Variants in USP6NL observed in about 807,000 individuals in gnomAD.
The protein encoded by USP6NL is USP6 N-terminal like.
In USP6NL, 26 loss-of-function variants were observed where a neutral mutation model predicts 61.9. The ratio of observed to expected loss-of-function variants is 0.42; its 90% CI spans 0.31 to 0.58. The LOEUF (loss-of-function observed/expected upper bound fraction) is 0.58. USP6NL is among the 20% of genes least tolerant of loss of function. The pLI is 0.16. For missense variants in USP6NL, 1,114 were observed against 1,034.3 expected (o/e 1.08, Z -1.06); for synonymous variants, 432 against 390.1 (o/e 1.11, Z -1.27).
chr10:11,599,316 T>A (rs1190523943), intron 1 of USP6NL, among the ~76,000 whole-genome samples: 1 of 152,198 alleles, frequency 6.6e-6, no homozygotes, highest in African/African-American at 2.4e-5. Context: ...CAGGGACTTT[T>A]CTCTTTATGT....
At chr10:11,502,291 C>T (rs1297560697) in intron 6 of USP6NL, among the ~76,000 whole-genome samples, 2 of 151,348 alleles carry the variant, frequency 1.3e-5, no homozygotes, top group East Asian at 1.9e-4. Context: ...TTTGTGTCAT[C>T]AACTCCCTCC....
intron 7 of USP6NL, among the ~76,000 whole-genome samples, chr10:11,498,096 G>T (rs1444101755): frequency 6.6e-6 from 1 of 151,402 alleles, no homozygotes; most frequent in Non-Finnish European, 1.5e-5. Flanking sequence ...ACTTAGCCGG[G>T]CATGGTGGCG....
chr10:11,560,222 T>C (rs1388233092), intron 2 of USP6NL, among the ~76,000 whole-genome samples: 1 of 152,164 alleles, frequency 6.6e-6, no homozygotes, highest in Non-Finnish European at 1.5e-5. Context: ...ATAAACTATC[T>C]CCACTTAATG....
rs1405858347 is a variant in USP6NL at position 11,491,630 on chromosome 10, C to T, written c.495-750G>A. ...GGATTATCCTGATTACTAAGGGGAA[C>T]ATGGGTTGCTATGACACAACAGACA... On this transcript the variant is annotated intron_variant, in intron 8 of 14. Transcript: ENST00000609104. This position sits in a 1 kb window ranked among gnomAD's most constrained non-coding sequence, Gnocchi z 4.7. Among the ~76,000 whole-genome samples the T allele has an allele frequency of 6.6e-6, 1 of 152,170 alleles. No homozygotes were observed. Among genetic ancestry groups the T allele is most frequent in the Admixed American group, 6.5e-5 (1 of 15,280 alleles).
intron 2 of USP6NL, among the ~76,000 whole-genome samples, chr10:11,541,091 C>T (rs4237415): frequency 6.6e-6 from 1 of 151,312 alleles, no homozygotes; most frequent in Non-Finnish European, 1.5e-5. Flanking sequence ...TCCTGAACTG[C>T]GTTATATGTA....
Position 11,566,312 on chromosome 10 carries a change from T to C in USP6NL, c.4+31319A>G, listed in dbSNP as rs144855296. 3.3e-4 allele frequency among the ~76,000 whole-genome samples: 50 copies of C among 152,316 alleles called. No individual in the cohort carries two copies. In the East Asian group the frequency reaches 7.7e-3, roughly 23 times the overall value. On this transcript the variant is annotated intron_variant, in intron 2 of 14. Transcript: ENST00000609104. Reference sequence around the variant, plus strand: ...CAGTTTCTCAAAGGGCAATAAAAGATACCGAAAGGACAAAAAAATCGGTAC... The same window carrying C: ...CAGTTTCTCAAAGGGCAATAAAAGACACCGAAAGGACAAAAAAATCGGTAC...
At chr10:11,536,741 A>G (rs1418282565) in intron 2 of USP6NL, among the ~76,000 whole-genome samples, 1 of 152,122 alleles carries the variant, frequency 6.6e-6, no homozygotes, top group East Asian at 1.9e-4. Context: ...ACCCAATCCC[A>G]CTTGCATCTC....
intron 1 of USP6NL, among the ~76,000 whole-genome samples, chr10:11,604,897 G>C (rs1838657518): frequency 6.6e-6 from 1 of 152,114 alleles, no homozygotes; most frequent in Non-Finnish European, 1.5e-5. Context: ...ATCTCTCAAA[G>C]TATCTTCTCA....
chr10:11,603,226 G>C (rs1292180495), intron 1 of USP6NL, among the ~76,000 whole-genome samples: 2 of 152,142 alleles, frequency 1.3e-5, no homozygotes, highest in African/African-American at 4.8e-5. Context: ...TCCACAGGTA[G>C]GTTTCCAGAC....
rs965132500 is a variant in USP6NL, at chr10:11,513,482, T to C, written c.196-3807A>G. Among the ~76,000 whole-genome samples the C allele has an allele frequency of 7.9e-5, 12 of 152,246 alleles. No homozygotes were observed. Among genetic ancestry groups the C allele is most frequent in the African/African-American group, 2.7e-4 (11 of 41,464 alleles). The stretch of plus-strand genomic sequence containing the variant: ...CATCTTAGTTCTCTCAATTTGTATT[T>C]TGAAATATTTCAAACCTACAGAAAA... On this transcript the variant is annotated intron_variant, in intron 5 of 14. Coordinates refer to ENST00000609104, the MANE Select transcript of USP6NL (RefSeq NM_014688.5). The surrounding 1 kb of genome is among the most constrained non-coding windows in gnomAD (Gnocchi z 4.7).
chr10:11,519,721 G>C (rs958006272), intron 4 of USP6NL, among the ~76,000 whole-genome samples: 1 of 152,096 alleles, frequency 6.6e-6, no homozygotes, highest in African/African-American at 2.4e-5. Context: ...AAAAGATCAA[G>C]TTCATTTCTG....
At position 11,485,756 on chromosome 10, in the gene USP6NL, T is replaced by C. The variant is rs1395155894; in HGVS notation, c.759+61A>G. 4 of 1,125,174 alleles carry C rather than the reference T, an allele frequency of 3.6e-6. No individual in the cohort carries two copies. Among genetic ancestry groups the C allele is most frequent in the Middle Eastern group, 1.9e-4 (1 of 5,198 alleles). The allele number at this position is 1,125,174 out of a possible 1,614,324, so 69.7% of individuals were successfully genotyped here. A position where few individuals can be genotyped will look rare whatever the true frequency, so the allele number is the denominator to read the frequency against. On this transcript the variant is annotated intron_variant, in intron 11 of 14. Transcript: ENST00000609104. The surrounding 1 kb of genome is among the most constrained non-coding windows in gnomAD (Gnocchi z 4.8). ...GGTAATTGGACCAAAGACAATTTAA[T>C]TATCCCAGCTTTTTTTGGGGGGTGG...
intron 1 of USP6NL, among the ~76,000 whole-genome samples, chr10:11,599,663 A>T (rs1244504324): frequency 6.6e-6 from 1 of 152,116 alleles, no homozygotes; most frequent in East Asian, 1.9e-4. Context: ...ACATAACTGA[A>T]GTCACGCGTT....
chr10:11,576,057 T>A (rs1837532652), intron 2 of USP6NL, among the ~76,000 whole-genome samples: 2 of 150,480 alleles, frequency 1.3e-5, no homozygotes, highest in South Asian at 4.2e-4. Context: ...TAGTTACGGG[T>A]AAATACTTCA....
Position 11,489,383 on chromosome 10 carries a change from A to G in USP6NL, c.544-161T>C, listed in dbSNP as rs549029402. 4.6e-5 allele frequency among the ~76,000 whole-genome samples: 7 copies of G among 152,388 alleles called. No individual in the cohort carries two copies. Among genetic ancestry groups the G allele is most frequent in the South Asian group, 2.1e-4 (1 of 4,832 alleles). ...TATACTCTTTACAGTATTATGCCAC[A>G]TAAGAGAATAAAATTGTGCTAAAAA... is the stretch of plus-strand genomic sequence containing the variant. On this transcript the variant is annotated intron_variant, in intron 9 of 14. Transcript: ENST00000609104. This position sits in a 1 kb window ranked among gnomAD's most constrained non-coding sequence, Gnocchi z 5.7.
rs1416262812 is a variant in USP6NL, at chr10:11,487,142, AAAAGT to A, written c.665-1236_665-1232del. 1.3e-5 allele frequency among the ~76,000 whole-genome samples: 2 copies of A among 152,210 alleles called. No individual in the cohort carries two copies. Among genetic ancestry groups the A allele is most frequent in the African/African-American group, 4.8e-5 (2 of 41,448 alleles). On this transcript the variant is annotated intron_variant, in intron 10 of 14. Coordinates refer to ENST00000609104, the MANE Select transcript of USP6NL (RefSeq NM_014688.5). This position sits in a 1 kb window ranked among gnomAD's most constrained non-coding sequence, Gnocchi z 4.2. ...ATTTTCAAGAAAAGTCTAATTTTCG[AAAAGT>A]CAATACAGTTCAGTAATAACTAGCT...
intron 2 of USP6NL, among the ~76,000 whole-genome samples, chr10:11,577,143 C>T (rs774980680): frequency 1.3e-5 from 2 of 151,384 alleles, no homozygotes; most frequent in African/African-American, 4.9e-5. Flanking sequence ...CTGCAAGCTC[C>T]GTCTCCTGAG....
At position 11,489,213 on chromosome 10, in the gene USP6NL, A is replaced by G; in HGVS notation, c.553T>C (p.Tyr185His). 1 of 1,613,714 alleles carries G rather than the reference A, an allele frequency of 6.2e-7. No homozygotes were observed. The highest frequency in any genetic ancestry group is 8.5e-7 in the Non-Finnish European group (1 of 1,179,760). ...AYSIYNTEVG[Y>H]CQGMSQITAL... Reference sequence around the variant, plus strand: ...GTGATCTGGCTCATCCCCTGACAATACCCGACTTCCTGGGGAGCAAAGGGG... The same window carrying G: ...GTGATCTGGCTCATCCCCTGACAATGCCCGACTTCCTGGGGAGCAAAGGGG... The change falls in exon 10 of 15, where the codon TAT (tyrosine) becomes CAT (histidine). Residue 185 changes from tyrosine (Y) to histidine (H), a missense_variant. Transcript: ENST00000609104. This position sits in a 1 kb window ranked among gnomAD's most constrained non-coding sequence, Gnocchi z 5.7.
chr10:11,527,350 A>C, intron 3 of USP6NL, 150 bp downstream of exon 3: 1 of 641,866 alleles, frequency 1.6e-6, no homozygotes, highest in South Asian at 2.0e-5. Context: ...GAAGAAAGAC[A>C]GGAGATGAAG....
Sources: gnomAD v4.1 joint callset for allele counts (sites outside exome capture counted in the v4.1 genomes callset) on GRCh38, gnomAD v4.1.1 for gene constraint, Gnocchi (gnomAD v3.1) non-coding constraint, MANE v1.5 for transcripts, NCBI Gene and HGNC (gene_info 2026-07-23, HGNC 2026-07-21) for gene names.